Variants in CELF4 observed in about 807,000 individuals in gnomAD.
CELF4 encodes the protein CUG-BP- and ETR-3-like factor 4.
A neutral mutation model predicts 59.9 loss-of-function variants in CELF4; 18 were observed. The ratio of observed to expected loss-of-function variants is 0.30; its 90% CI spans 0.21 to 0.45. The LOEUF (loss-of-function observed/expected upper bound fraction) is 0.45, where lower values mean the gene tolerates loss of function less well. Among genes scored for constraint, CELF4 ranks in the 20% least tolerant of loss-of-function variants. CELF4 has a pLI of 1.00. For missense variants in CELF4, 456 were observed against 689.0 expected (o/e 0.66, Z 3.79); for synonymous variants, 261 against 267.1 (o/e 0.98, Z 0.22).
intron 2 of CELF4, among the ~76,000 whole-genome samples, chr18:37,392,160 AG>A (rs2099169530): frequency 6.6e-6 from 1 of 152,202 alleles, no homozygotes; most frequent in African/African-American, 2.4e-5. Flanking sequence ...GGAGAAAGAA[AG>A]GTTTTCCCCC....
rs565279263 is a variant in CELF4, at chr18:37,245,059, C to T, written c.*183G>A. ...CTATACTTTCCTTGAAGAAATGTTA[C>T]AGTCACACAGACAGTGTCTGGAGTC... On this transcript the variant is annotated 3_prime_UTR_variant, in exon 13 of 13. Coordinates refer to ENST00000420428, the MANE Select transcript of CELF4 (RefSeq NM_020180.4). The surrounding 1 kb of genome is among the most constrained non-coding windows in gnomAD (Gnocchi z 4.1). The T allele has an allele frequency of 2.0e-5, 3 of 152,542 alleles. No homozygotes were observed. The highest frequency in any genetic ancestry group is 4.4e-5 in the Non-Finnish European group (3 of 68,048). 9.4% of individuals were successfully genotyped at this position (152,542 alleles called of 1,614,324 possible). A position where few individuals can be genotyped will look rare whatever the true frequency, so the allele number is the denominator to read the frequency against.
chr18:37,336,612 C>T (rs2097778271), intron 2 of CELF4, among the ~76,000 whole-genome samples: 1 of 152,176 alleles, frequency 6.6e-6, no homozygotes, highest in African/African-American at 2.4e-5. Flanking sequence ...CCCTCAGACT[C>T]ATATGTGTGA....
intron 2 of CELF4, among the ~76,000 whole-genome samples, chr18:37,422,882 T>C (rs1291344338): frequency 6.6e-6 from 1 of 152,212 alleles, no homozygotes; most frequent in Non-Finnish European, 1.5e-5. Flanking sequence ...CCATGAATGC[T>C]TCTCGCTTCT....
At chr18:37,420,754 A>T (rs1436216724) in intron 2 of CELF4, among the ~76,000 whole-genome samples, 2 of 152,096 alleles carry the variant, frequency 1.3e-5, no homozygotes, top group Non-Finnish European at 2.9e-5. Flanking sequence ...CCACAGAGAG[A>T]GCTTTCTGAG....
At chr18:37,415,138 T>C (rs1237525832) in intron 2 of CELF4, among the ~76,000 whole-genome samples, 3 of 152,154 alleles carry the variant, frequency 2.0e-5, no homozygotes, top group South Asian at 2.1e-4. Flanking sequence ...AAAGGTTTCA[T>C]GAAGCAAGTG....
intron 2 of CELF4, among the ~76,000 whole-genome samples, chr18:37,383,023 CATGT>C (rs72091493): frequency 0.46 from 69,257 of 150,146 alleles, 16,869 homozygotes; most frequent in East Asian, 0.68. Context: ...ATAGTACATA[CATGT>C]ATGTATGTAT....
intron 2 of CELF4, among the ~76,000 whole-genome samples, chr18:37,456,039 C>A (rs1196767376): frequency 6.6e-6 from 1 of 152,164 alleles, no homozygotes; most frequent in South Asian, 2.1e-4. Context: ...CTTCTGTTCT[C>A]CTCCTGAGGC....
intron 1 of CELF4, among the ~76,000 whole-genome samples, chr18:37,541,326 G>T (rs570116438): frequency 6.6e-6 from 1 of 152,030 alleles, no homozygotes; most frequent in South Asian, 2.1e-4. Context: ...AGCACTGAGT[G>T]CCTCTATTCG....
chr18:37,557,997 CTTTTTTTTT>C (rs34181233), intron 1 of CELF4, among the ~76,000 whole-genome samples: 4 of 100,766 alleles, frequency 4.0e-5, no homozygotes, highest in Non-Finnish European at 7.5e-5. Flanking sequence ...ATCCCTTTTA[CTTTTTTTTT>C]TTTTTTTTTT....
At position 37,268,269 on chromosome 18, in the gene CELF4, C is replaced by T. The variant is rs79939053; in HGVS notation, c.1100-1671G>A. On this transcript the variant is annotated intron_variant, in intron 8 of 12. Coordinates refer to ENST00000420428, the MANE Select transcript of CELF4 (RefSeq NM_020180.4). ...GTCCCACACCCTGTCCCTCTATTTC[C>T]CCCATGGTAGAGACTGGCGCTGAGG... 3.1e-3 allele frequency among the ~76,000 whole-genome samples: 469 copies of T among 152,252 alleles called. 21 individuals are homozygous for T. The East Asian group carries it at 0.081, about 26-fold the overall frequency.
chr18:37,277,813 G>A (rs2154372352), intron 3 of CELF4, among the ~76,000 whole-genome samples: 1 of 152,130 alleles, frequency 6.6e-6, no homozygotes, highest in Non-Finnish European at 1.5e-5. Flanking sequence ...ATCGAATTGG[G>A]TTTCCAGAAA....
chr18:37,454,523 C>A (rs976324259), intron 2 of CELF4, among the ~76,000 whole-genome samples: 3 of 152,160 alleles, frequency 2.0e-5, no homozygotes, highest in Admixed American at 2.0e-4. Flanking sequence ...ACCTTGAAGG[C>A]AGGAATGTAG....
chr18:37,253,794 G>T lies in CELF4; in HGVS notation c.*17C>A, dbSNP rs1158729979. 6 of 1,591,756 alleles carry T rather than the reference G, an allele frequency of 3.8e-6. No individual in the cohort carries two copies. The highest frequency in any genetic ancestry group is 3.4e-5 in the South Asian group (3 of 88,752). Reference sequence around the variant, plus strand: ...GTGCGAGTCCTGGTCTCCCCCGGGGGACGCTCCCGCCGGCGCTCAGTACGG... The same window carrying T: ...GTGCGAGTCCTGGTCTCCCCCGGGGTACGCTCCCGCCGGCGCTCAGTACGG... On this transcript the variant is annotated 3_prime_UTR_variant, in exon 12 of 13. Transcript: ENST00000420428. This position sits in a 1 kb window ranked among gnomAD's most constrained non-coding sequence, Gnocchi z 4.5.
intron 2 of CELF4, among the ~76,000 whole-genome samples, chr18:37,341,046 C>T (rs2098003494): frequency 6.6e-6 from 1 of 152,214 alleles, no homozygotes; most frequent in African/African-American, 2.4e-5. Context: ...AAAAGAACCA[C>T]CTTGGTGAGC....
chr18:37,532,647 G>A (rs1240632403), intron 1 of CELF4, among the ~76,000 whole-genome samples: 2 of 151,708 alleles, frequency 1.3e-5, no homozygotes, highest in Non-Finnish European at 2.9e-5. Flanking sequence ...AAAAAAAAAA[G>A]GTCAGGTGAC....
rs1196806975 is a variant in CELF4, at chr18:37,270,873, T to C, written c.994A>G (p.Ile332Val). ...PGITAPAVPS[I>V]PSPIGVNGFT... ...CCATTCACCCCAATGGGGGATGGGATGCTAGGCACGGCTGGTGCAGTGATG... is the reference window on the plus strand; with the variant it reads ...CCATTCACCCCAATGGGGGATGGGACGCTAGGCACGGCTGGTGCAGTGATG... The change falls in exon 8 of 13, where the codon ATC becomes GTC. Residue 332 changes from isoleucine (I) to valine (V), a missense_variant. This residue lies in a region of CELF4 where 256 missense variants were observed against 340.8 expected (regional missense o/e 0.75). Transcript: ENST00000420428. The C allele has an allele frequency of 6.2e-7, 1 of 1,613,342 alleles. No individual in the cohort carries two copies. Among genetic ancestry groups the C allele is most frequent in the East Asian group, 2.2e-5 (1 of 44,860 alleles).
In CELF4 at chr18:37,565,680, ACT is replaced by A. The variant is rs766740978; in HGVS notation, c.-41_-40del. 4 of 1,496,498 alleles carry A rather than the reference ACT, an allele frequency of 2.7e-6. No individual in the cohort carries two copies. In the African/African-American group the frequency reaches 4.4e-5, roughly 17 times the overall value. The allele number at this position is 1,496,498 out of a possible 1,614,324, so 92.7% of individuals were successfully genotyped here. Reference sequence around the variant, plus strand: ...TTTCCTTTTATTCTTTCTCGCTCACACTCTCTCGCTCCTCTCTCTCGCTCGCT... The same window carrying A: ...TTTCCTTTTATTCTTTCTCGCTCACACTCTCGCTCCTCTCTCTCGCTCGCT... On this transcript the variant is annotated 5_prime_UTR_variant, in exon 1 of 13. Transcript: ENST00000420428.
At chr18:37,402,724 C>G (rs8099622) in intron 2 of CELF4, among the ~76,000 whole-genome samples, 4 of 152,150 alleles carry the variant, frequency 2.6e-5, no homozygotes, top group African/African-American at 9.7e-5. Context: ...CTTTCTCCCC[C>G]CATAACAGAG....
intron 11 of CELF4, among the ~76,000 whole-genome samples, chr18:37,256,232 T>C (rs2069328644): frequency 6.6e-6 from 1 of 152,180 alleles, no homozygotes; most frequent in Non-Finnish European, 1.5e-5. Context: ...CCCCCTATGG[T>C]ATTCCCCCAG....
Sources: gnomAD v4.1 joint callset for allele counts (sites outside exome capture counted in the v4.1 genomes callset) on GRCh38, gnomAD v4.1.1 for gene constraint, gnomAD v4.1.1 regional missense constraint, Gnocchi (gnomAD v3.1) non-coding constraint, MANE v1.5 for transcripts, NCBI Gene and HGNC (gene_info 2026-07-23, HGNC 2026-07-21) for gene names.